Variants in CFAP54 observed in about 807,000 individuals in gnomAD.
CFAP54 encodes cilia- and flagella-associated protein 54.
In CFAP54, 290 loss-of-function variants were observed where a neutral mutation model predicts 370.4. The observed-to-expected ratio is 0.78, with a 90% CI of 0.71 to 0.86. CFAP54 has a LOEUF of 0.86. Ranked by LOEUF, CFAP54 falls within the 40% of genes least tolerant of loss-of-function variation. CFAP54 has a pLI of 0.00. For missense variants in CFAP54, 3,399 were observed against 3,528.7 expected (o/e 0.96, Z 0.93); for synonymous variants, 1,206 against 1,236.5 (o/e 0.98, Z 0.52).
chr12:96,843,290 C>T (rs751542033), intron 66 of CFAP54, among the ~76,000 whole-genome samples: 4 of 152,268 alleles, frequency 2.6e-5, no homozygotes, highest in Non-Finnish European at 5.9e-5. Context: ...ATTTCTATAT[C>T]GCAGGTCAAA....
chr12:96,623,941 A>C, intron 28 of CFAP54, 60 bp downstream of exon 28: 1 of 1,099,630 alleles, frequency 9.1e-7, no homozygotes, highest in Admixed American at 2.1e-5. Flanking sequence ...ACGAGAAACT[A>C]TTTTGTTCAA....
rs74389429 is a variant in CFAP54, at chr12:96,576,556, T to C, written c.2620-29T>C. On this transcript the variant is annotated intron_variant, in intron 19 of 67. Transcript: ENST00000524981. ...AAATAGAGTTCAAGCTCTTGACATA[T>C]ATTTTTCTATTTTCATATTTCATTA... The C allele has an allele frequency of 1.7e-3, 2,402 of 1,427,852 alleles. 55 individuals are homozygous for C. In the East Asian group the frequency reaches 0.053, roughly 31 times the overall value. The allele number at this position is 1,427,852 out of a possible 1,614,324, so 88.4% of individuals were successfully genotyped here. A position where few individuals can be genotyped will look rare whatever the true frequency, so the allele number is the denominator to read the frequency against.
At chr12:96,518,650 C>T (rs1010426536) in intron 5 of CFAP54, among the ~76,000 whole-genome samples, 3 of 152,184 alleles carry the variant, frequency 2.0e-5, no homozygotes, top group South Asian at 2.1e-4. Flanking sequence ...TGTGCCATTG[C>T]ACTCCAGCCT....
At chr12:96,666,890 G>T (rs1957087177) in intron 39 of CFAP54, among the ~76,000 whole-genome samples, 2 of 152,140 alleles carry the variant, frequency 1.3e-5, no homozygotes, top group Admixed American at 1.3e-4. Context: ...CTCATCTGAG[G>T]CAAGGCAAGT....
At position 96,644,422 on chromosome 12, in the gene CFAP54, C is replaced by A. The variant is rs1328192590; in HGVS notation, c.4547+14C>A. On this transcript the variant is annotated intron_variant, in intron 33 of 67. Coordinates refer to ENST00000524981, the MANE Select transcript of CFAP54 (RefSeq NM_001306084.2). ...TATGATGGTCAGGTATAGTATATTA[C>A]TGATGAAAAATACTTTTTTAGTTTC... 1.4e-6 allele frequency: 2 copies of A among 1,479,154 alleles called. No homozygotes were observed. Among genetic ancestry groups the A allele is most frequent in the Admixed American group, 2.0e-5 (1 of 50,282 alleles). The allele number at this position is 1,479,154 out of a possible 1,614,324, so 91.6% of individuals were successfully genotyped here.
Position 96,685,238 on chromosome 12 carries a change from A to G in CFAP54, c.6014A>G (p.Gln2005Arg). 2.5e-6 allele frequency: 4 copies of G among 1,613,624 alleles called. No homozygotes were observed. The highest frequency in any genetic ancestry group is 2.5e-6 in the Non-Finnish European group (3 of 1,179,720). ...QGAVISAKIA[Q>R]FIKSLNVEKK... ...GCAGTCATATCAGCAAAGATAGCAC[A>G]GTGAGTGTGAGGATGGAAGGATCCC... The change falls in exon 42 of 68, where the codon CAA becomes CGA. Residue 2005 changes from glutamine (Q) to arginine (R), a missense_variant and splice_region_variant. Physicochemically the swap from Gln to Arg is conservative, Grantham distance 43. Around this residue, in one of 3 missense-constraint regions of CFAP54, gnomAD observed 2,796 missense variants for 2,869.7 expected, o/e 0.97. Coordinates refer to ENST00000524981, the MANE Select transcript of CFAP54 (RefSeq NM_001306084.2).
At chr12:96,531,382 A>G (rs1386746750) in intron 9 of CFAP54, among the ~76,000 whole-genome samples, 2 of 151,806 alleles carry the variant, frequency 1.3e-5, no homozygotes, top group Non-Finnish European at 2.9e-5. Context: ...ATTTTATTCT[A>G]CTGGATCTAG....
In CFAP54 at chr12:96,788,676, A is replaced by T. The variant is rs539627102; in HGVS notation, c.8679+1778A>T. On this transcript the variant is annotated intron_variant, in intron 62 of 67. Coordinates refer to ENST00000524981, the MANE Select transcript of CFAP54 (RefSeq NM_001306084.2). ...ATTAAATTATACATTTTTTTTTTTA[A>T]AAATCACTCTTTTGAACATTCCTTC... is the stretch of plus-strand genomic sequence containing the variant. Among the ~76,000 whole-genome samples, 24 of 152,040 alleles carry T rather than the reference A, an allele frequency of 1.6e-4. No individual in the cohort carries two copies. In the East Asian group the frequency reaches 3.7e-3, roughly 23 times the overall value.
intron 32 of CFAP54, 45 bp from the exon 33 acceptor site, chr12:96,644,133 C>A: frequency 8.0e-7 from 1 of 1,250,326 alleles, no homozygotes; most frequent in South Asian, 1.4e-5. Context: ...TATTAAATAT[C>A]TGAAAGTTCT....
chr12:96,663,551 G>A (rs1957020943), intron 38 of CFAP54, among the ~76,000 whole-genome samples: 1 of 152,144 alleles, frequency 6.6e-6, no homozygotes, highest in South Asian at 2.1e-4. Flanking sequence ...ATTTAGACCA[G>A]TGAATTTATA....
rs1199415584 is a variant in CFAP54 at position 96,784,822 on chromosome 12, T to A, written c.8387T>A (p.Ile2796Asn). ...AAAAAGACTCAGACCAAAGTGGATA[T>A]TACATGGATCCTTCTACTGCGCTAC... is the stretch of plus-strand genomic sequence containing the variant. ...GRKKTQTKVD[I>N]TWILLLRYYI... Residue 2796 changes from isoleucine to asparagine, a missense_variant, in exon 61 of 68, where the codon ATT becomes AAT. By Grantham distance (149) the Ile-to-Asn change is moderately radical. Transcript: ENST00000524981. 1.3e-6 allele frequency: 2 copies of A among 1,534,342 alleles called. No individual in the cohort carries two copies. The highest frequency in any genetic ancestry group is 1.7e-6 in the Non-Finnish European group (2 of 1,145,820).
intron 65 of CFAP54, among the ~76,000 whole-genome samples, chr12:96,824,978 T>G (rs1959070009): frequency 6.6e-6 from 1 of 151,820 alleles, no homozygotes; most frequent in African/African-American, 2.4e-5. Context: ...CATATCACCA[T>G]ATCAGCAAAT....
intron 63 of CFAP54, among the ~76,000 whole-genome samples, chr12:96,806,379 C>T (rs945527526): frequency 2.0e-5 from 3 of 150,668 alleles, no homozygotes; most frequent in Non-Finnish European, 3.0e-5. Flanking sequence ...AGCAAGACTC[C>T]GTCAAGTGAA....
chr12:96,680,706 G>A (rs1034435455), intron 40 of CFAP54, among the ~76,000 whole-genome samples: 4 of 151,350 alleles, frequency 2.6e-5, no homozygotes, highest in Non-Finnish European at 5.9e-5. Context: ...ATAGTTTTTG[G>A]TTATATTGTC....
intron 19 of CFAP54, among the ~76,000 whole-genome samples, chr12:96,567,705 C>A (rs1210736789): frequency 6.6e-6 from 1 of 151,976 alleles, no homozygotes; most frequent in Non-Finnish European, 1.5e-5. Context: ...AGAGAGGTTT[C>A]CTCTTGTTTT....
intron 66 of CFAP54, among the ~76,000 whole-genome samples, chr12:96,841,717 A>C (rs1266236965): frequency 6.6e-6 from 1 of 152,222 alleles, no homozygotes; most frequent in Admixed American, 6.5e-5. Context: ...TTCTAGTCCC[A>C]GTTTCGCCCT....
At position 96,792,555 on chromosome 12, in the gene CFAP54, A is replaced by G. The variant is rs12579842; in HGVS notation, c.8850+56A>G. 6.8e-3 allele frequency: 9,128 copies of G among 1,342,866 alleles called. 423 individuals carry two copies. In the East Asian group the frequency reaches 0.11, roughly 16 times the overall value. 83.2% of individuals were successfully genotyped at this position (1,342,866 alleles called of 1,614,324 possible). On this transcript the variant is annotated intron_variant, in intron 63 of 67. Transcript: ENST00000524981. ...TCATTTATATATAAAGCTTAACTAAACCATTATAACTTGGAGAGTAGAGGA... is the reference window on the plus strand; with the variant it reads ...TCATTTATATATAAAGCTTAACTAAGCCATTATAACTTGGAGAGTAGAGGA...
chr12:96,544,909 CTT>C (rs769543854), intron 14 of CFAP54, among the ~76,000 whole-genome samples: 14 of 142,274 alleles, frequency 9.8e-5, no homozygotes, highest in East Asian at 4.1e-4. Context: ...TCTTCCTTTT[CTT>C]TTTTTTTTTT....
At chr12:96,510,977 A>G (rs1955159606) in intron 4 of CFAP54, among the ~76,000 whole-genome samples, 1 of 151,736 alleles carries the variant, frequency 6.6e-6, no homozygotes, top group Non-Finnish European at 1.5e-5. Context: ...AAAAAAAAAA[A>G]AAAAGAAATG....
Sources: allele counts gnomAD v4.1 joint callset (sites outside exome capture counted in the v4.1 genomes callset), GRCh38; gene constraint gnomAD v4.1.1; regional missense constraint gnomAD v4.1.1; transcripts MANE v1.5; gene names NCBI Gene and HGNC (gene_info 2026-07-23, HGNC 2026-07-21).